FAM53A: variants seen among roughly 807,000 people sequenced by gnomAD.
The protein encoded by FAM53A is family with sequence similarity 53 member A, also known as protein FAM53A.
FAM53A carries 28 observed loss-of-function variants against 26.6 expected under a neutral mutation model. The observed-to-expected ratio is 1.05, with a 90% CI of 0.78 to 1.45. The LOEUF is 1.45. FAM53A is among the 40% of genes most tolerant of loss of function. FAM53A has a pLI of 0.00. For synonymous variants in FAM53A, 290 were observed against 253.1 expected, an observed-to-expected ratio of 1.15 and a Z score of -1.38; for missense variants, 650 against 575.8, an observed-to-expected ratio of 1.13 and a Z score of -1.32.
At chr4:1,635,190 C>T (rs1715786585), downstream of FAM53A, among the ~76,000 whole-genome samples, 1 of 152,170 alleles carries the variant, frequency 6.6e-6, no homozygotes, top group Non-Finnish European at 1.5e-5. Context: ...AGCTAAAAGA[C>T]TTTTGCCAGT....
intron 2 of FAM53A, among the ~76,000 whole-genome samples, chr4:1,668,325 A>C (rs1714389399): frequency 6.6e-6 from 1 of 152,100 alleles, no homozygotes; most frequent in South Asian, 2.1e-4. Context: ...TTTTTAGTAG[A>C]GACGGGGTTT....
At chr4:1,606,320 C>T in the FAM53A span, among the ~76,000 whole-genome samples, 4 of 151,996 alleles carry the variant, frequency 2.6e-5, no homozygotes, top group Non-Finnish European at 4.4e-5. Flanking sequence ...GCTGGGATTA[C>T]AGGCATGAGC....
chr4:1,650,396 C>A (rs1487655256), intron 4 of FAM53A, among the ~76,000 whole-genome samples: 6 of 135,806 alleles, frequency 4.4e-5, no homozygotes, highest in African/African-American at 1.8e-4. Flanking sequence ...TGTGAGGTGG[C>A]ATAGGCGTGG....
At chr4:1,614,597 G>A (rs1468943223), downstream of FAM53A, among the ~76,000 whole-genome samples, 2 of 152,128 alleles carry the variant, frequency 1.3e-5, no homozygotes, top group African/African-American at 2.4e-5. Flanking sequence ...AGCAGCAAGA[G>A]GACGGGGCGC....
At chr4:1,576,394 G>C in the FAM53A span, among the ~76,000 whole-genome samples, 5 of 152,202 alleles carry the variant, frequency 3.3e-5, no homozygotes, top group South Asian at 2.1e-4. Context: ...GTGATTTGAG[G>C]GGACAGCCCA....
chr4:1,596,798 A>G, the FAM53A span, among the ~76,000 whole-genome samples: 1 of 152,132 alleles, frequency 6.6e-6, no homozygotes, highest in Admixed American at 6.5e-5. Flanking sequence ...AGACAGAGAC[A>G]GAGACAAGGG....
downstream of FAM53A, among the ~76,000 whole-genome samples, chr4:1,637,650 TGGGCAGGG>T (rs1715906930): frequency 7.1e-6 from 1 of 140,184 alleles, no homozygotes; most frequent in Admixed American, 6.9e-5. Context: ...TGGGCAGGGG[TGGGCAGGG>T]GTGGGCCACT....
chr4:1,585,987 T>C, the FAM53A span, among the ~76,000 whole-genome samples: 1 of 152,208 alleles, frequency 6.6e-6, no homozygotes, highest in Non-Finnish European at 1.5e-5. Flanking sequence ...TCCTCCCGCC[T>C]CAGCCTCCCA....
At chr4:1,670,731 G>T (rs1455298129) in intron 1 of FAM53A, among the ~76,000 whole-genome samples, 1 of 152,196 alleles carries the variant, frequency 6.6e-6, no homozygotes, top group Non-Finnish European at 1.5e-5. Context: ...TCAGAAGGAG[G>T]CCTCTCCACA....
At chr4:1,606,995 A>G in the FAM53A span, among the ~76,000 whole-genome samples, 1 of 152,200 alleles carries the variant, frequency 6.6e-6, no homozygotes, top group African/African-American at 2.4e-5. Flanking sequence ...CACAGCTTCC[A>G]CAACGCTTGC....
chr4:1,607,969 G>A, the FAM53A span, among the ~76,000 whole-genome samples: 2 of 151,352 alleles, frequency 1.3e-5, no homozygotes, highest in African/African-American at 4.9e-5. Context: ...AAAAGTAGCC[G>A]GATGTGGTAG....
Position 1,678,375 on chromosome 4 carries a change from A to G in FAM53A, c.-165+5858T>C, listed in dbSNP as rs539927802. 5.3e-5 allele frequency among the ~76,000 whole-genome samples: 8 copies of G among 152,340 alleles called. No individual in the cohort carries two copies. In the East Asian group the frequency reaches 1.5e-3, roughly 29 times the overall value. ...AAAGACAGTGTGGGATGGGCAAAAG[A>G]ACAGACAATTGTATCAATGGAACAG... On this transcript the variant is annotated intron_variant, in intron 1 of 4. Coordinates refer to ENST00000308132, the MANE Select transcript of FAM53A (RefSeq NM_001174070.3).
chr4:1,619,496 A>C (rs11248068), intron 1 of FAM53A, among the ~76,000 whole-genome samples: 60,461 of 151,952 alleles, frequency 0.4, 13,382 homozygotes, highest in African/African-American at 0.59. Flanking sequence ...CTGTTCCCAG[A>C]CTCATGCACC....
chr4:1,653,777 C>T (rs572599508), intron 4 of FAM53A, among the ~76,000 whole-genome samples: 3 of 152,366 alleles, frequency 2.0e-5, no homozygotes, highest in South Asian at 2.1e-4. Context: ...GTGCCCTCAG[C>T]GTGGCCTAGG....
downstream of FAM53A, among the ~76,000 whole-genome samples, chr4:1,638,041 A>T (rs907625656): frequency 1.3e-5 from 2 of 151,436 alleles, no homozygotes; most frequent in African/African-American, 4.9e-5. Context: ...CCCCCACCCC[A>T]CCAGAACTTC....
At chr4:1,671,734 C>G (rs1714675691) in intron 1 of FAM53A, among the ~76,000 whole-genome samples, 1 of 152,276 alleles carries the variant, frequency 6.6e-6, no homozygotes, top group African/African-American at 2.4e-5. Context: ...GAGGGGCCAG[C>G]TCCCTTCACA....
At chr4:1,590,258 A>C in the FAM53A span, among the ~76,000 whole-genome samples, 1 of 152,224 alleles carries the variant, frequency 6.6e-6, no homozygotes, top group South Asian at 2.1e-4. Context: ...AATTCTTTGA[A>C]ATTTATCACA....
intron 4 of FAM53A, among the ~76,000 whole-genome samples, chr4:1,645,838 T>C (rs781677312): frequency 6.6e-5 from 10 of 152,260 alleles, no homozygotes; most frequent in Non-Finnish European, 1.2e-4. Context: ...AAACATTCCA[T>C]GTTCTTGATG....
chr4:1,609,532 G>A, the FAM53A span, among the ~76,000 whole-genome samples: 9 of 152,114 alleles, frequency 5.9e-5, no homozygotes, highest in Non-Finnish European at 1.3e-4. Flanking sequence ...AGTCTCACGA[G>A]ATCTGATGGT....
Sources: allele counts gnomAD v4.1 joint callset (sites outside exome capture counted in the v4.1 genomes callset), GRCh38; gene constraint gnomAD v4.1.1; transcripts MANE v1.5; gene names NCBI Gene and HGNC (gene_info 2026-07-23, HGNC 2026-07-21).